Variants in TMEM132C observed in about 807,000 individuals in gnomAD.
TMEM132C encodes protein phosphatase 1, regulatory subunit 152.
In TMEM132C, 29 loss-of-function variants were observed where a neutral mutation model predicts 61.4. The ratio of observed to expected loss-of-function variants is 0.47; its 90% CI spans 0.35 to 0.64. The LOEUF is 0.64. TMEM132C is among the 30% of genes least tolerant of loss of function. The pLI is 0.00. For synonymous variants in TMEM132C, 656 were observed against 633.1 expected, an observed-to-expected ratio of 1.04 and a Z score of -0.54; for missense variants, 1,408 against 1,476.9, an observed-to-expected ratio of 0.95 and a Z score of 0.76.
chr12:128,328,015 C>T (rs1872576503), intron 1 of TMEM132C, among the ~76,000 whole-genome samples: 1 of 152,018 alleles, frequency 6.6e-6, no homozygotes, highest in Non-Finnish European at 1.5e-5. Context: ...CTGCTTGACC[C>T]CCCACTTCCC....
intron 1 of TMEM132C, among the ~76,000 whole-genome samples, chr12:128,405,189 A>T (rs748899322): frequency 6.6e-6 from 1 of 152,188 alleles, no homozygotes. Context: ...TCGCAATGCC[A>T]TGGCAGCCCT....
At chr12:128,488,638 G>T (rs758265403) in intron 2 of TMEM132C, among the ~76,000 whole-genome samples, 106 of 151,928 alleles carry the variant, frequency 7.0e-4, no homozygotes, top group Non-Finnish European at 1.3e-3. Flanking sequence ...TCTAGCATGG[G>T]TGATAGATCA....
intron 2 of TMEM132C, chr12:128,439,152 C>A: frequency 6.2e-6 from 1 of 161,848 alleles, no homozygotes; most frequent in Non-Finnish European, 1.4e-5. Context: ...AGTTGTCATT[C>A]ATCCACTTCA....
At chr12:128,518,892 G>A (rs950741991) in intron 2 of TMEM132C, among the ~76,000 whole-genome samples, 2 of 152,080 alleles carry the variant, frequency 1.3e-5, no homozygotes, top group African/African-American at 4.8e-5. Flanking sequence ...AATCCTTTGT[G>A]TCTATTTCTC....
At chr12:128,552,178 G>A (rs1328208141) in intron 3 of TMEM132C, among the ~76,000 whole-genome samples, 1 of 152,100 alleles carries the variant, frequency 6.6e-6, no homozygotes, top group Non-Finnish European at 1.5e-5. Context: ...CACTTCAACC[G>A]GTTCACTTAT....
intron 2 of TMEM132C, among the ~76,000 whole-genome samples, chr12:128,496,614 G>A (rs984192006): frequency 6.6e-6 from 1 of 152,024 alleles, no homozygotes; most frequent in Non-Finnish European, 1.5e-5. Flanking sequence ...CTTTCTTCCA[G>A]TTGATCAAAT....
intron 1 of TMEM132C, among the ~76,000 whole-genome samples, chr12:128,400,935 G>GAA (rs942830210): frequency 1.3e-5 from 2 of 152,090 alleles, no homozygotes; most frequent in South Asian, 4.2e-4. Flanking sequence ...CTTGACAACA[G>GAA]AAAAAATCTC....
chr12:128,302,233 A>G (rs1009302071), intron 1 of TMEM132C, among the ~76,000 whole-genome samples: 1 of 152,194 alleles, frequency 6.6e-6, no homozygotes, highest in Non-Finnish European at 1.5e-5. Context: ...TTTACTTTGT[A>G]TTGTATCATT....
At chr12:128,402,327 G>C (rs1000246644) in intron 1 of TMEM132C, among the ~76,000 whole-genome samples, 1 of 151,976 alleles carries the variant, frequency 6.6e-6, no homozygotes, top group Non-Finnish European at 1.5e-5. Flanking sequence ...TTGTTTTATA[G>C]ATTAGTTCAT....
intron 1 of TMEM132C, among the ~76,000 whole-genome samples, chr12:128,413,017 G>A (rs899541251): frequency 1.3e-5 from 2 of 152,034 alleles, no homozygotes; most frequent in Non-Finnish European, 2.9e-5. Flanking sequence ...CCAATGTTGA[G>A]GCCAGGCACG....
chr12:128,497,180 C>G (rs771975493), intron 2 of TMEM132C, among the ~76,000 whole-genome samples: 3 of 152,204 alleles, frequency 2.0e-5, no homozygotes, highest in African/African-American at 7.2e-5. Context: ...GCTGCCTGAT[C>G]GTTCCTCTGG....
chr12:128,537,172 A>T (rs965378845), intron 2 of TMEM132C, among the ~76,000 whole-genome samples: 3 of 152,214 alleles, frequency 2.0e-5, no homozygotes, highest in African/African-American at 4.8e-5. Flanking sequence ...CAAAAGATGA[A>T]GCAGAGGACA....
intron 1 of TMEM132C, among the ~76,000 whole-genome samples, chr12:128,382,124 G>A (rs574961002): frequency 1.1e-4 from 16 of 151,214 alleles, no homozygotes; most frequent in African/African-American, 2.4e-4. Context: ...ACCCACTGCC[G>A]CTCTGTAATA....
chr12:128,397,483 G>A (rs1197085616), intron 1 of TMEM132C, among the ~76,000 whole-genome samples: 6 of 152,154 alleles, frequency 3.9e-5, no homozygotes, highest in Non-Finnish European at 7.3e-5. Context: ...AAGGTCATAC[G>A]AGGGGGTCTA....
chr12:128,426,691 T>C (rs77814788), intron 2 of TMEM132C, among the ~76,000 whole-genome samples: 15,103 of 152,050 alleles, frequency 0.099, 2,525 homozygotes, highest in African/African-American at 0.34. Flanking sequence ...TCCTGCTACA[T>C]CCCCTGTCCC....
chr12:128,402,821 C>T (rs1358554752), intron 1 of TMEM132C, among the ~76,000 whole-genome samples: 1 of 152,172 alleles, frequency 6.6e-6, no homozygotes, highest in Admixed American at 6.5e-5. Context: ...TCTGTGCCTA[C>T]CTAGGGCACC....
chr12:128,302,443 T>G (rs1871627847), intron 1 of TMEM132C, among the ~76,000 whole-genome samples: 1 of 152,238 alleles, frequency 6.6e-6, no homozygotes, highest in Non-Finnish European at 1.5e-5. Context: ...TCTGATTAGC[T>G]TTTCATTCCT....
intron 1 of TMEM132C, among the ~76,000 whole-genome samples, chr12:128,340,801 T>TCTTTCTTTCTC (rs1872936045): frequency 7.8e-6 from 1 of 128,540 alleles, no homozygotes; most frequent in African/African-American, 3.8e-5. Context: ...CTCTCTCTCT[T>TCTTTCTTTCTC]TCTTTCTTTC....
At chr12:128,458,629 C>T (rs1313429313) in intron 2 of TMEM132C, among the ~76,000 whole-genome samples, 4 of 152,154 alleles carry the variant, frequency 2.6e-5, no homozygotes, top group African/African-American at 9.7e-5. Flanking sequence ...CACATAAAAG[C>T]CGTGGTGCAC....
Sources: allele counts gnomAD v4.1 joint callset (sites outside exome capture counted in the v4.1 genomes callset), GRCh38; gene constraint gnomAD v4.1.1; transcripts MANE v1.5; gene names NCBI Gene and HGNC (gene_info 2026-07-23, HGNC 2026-07-21).